Variants in NOS1AP observed in about 807,000 individuals in gnomAD.
NOS1AP encodes nitric oxide synthase 1 adaptor protein.
A neutral mutation model predicts 56.2 loss-of-function variants in NOS1AP; 21 were observed. The ratio of observed to expected loss-of-function variants is 0.37; its 90% CI spans 0.26 to 0.54. The LOEUF (loss-of-function observed/expected upper bound fraction) is 0.54. Among genes scored for constraint, NOS1AP ranks in the 20% least tolerant of loss-of-function variants. NOS1AP has a pLI of 0.84. For missense variants in NOS1AP, 522 were observed against 657.8 expected (o/e 0.79, Z 2.26); for synonymous variants, 270 against 274.6 (o/e 0.98, Z 0.17).
chr1:162,252,523 C>G (rs1653898692), intron 2 of NOS1AP, among the ~76,000 whole-genome samples: 1 of 152,102 alleles, frequency 6.6e-6, no homozygotes, highest in African/African-American at 2.4e-5. Flanking sequence ...GGTCAGCAAG[C>G]CCATTCTGTG....
intron 2 of NOS1AP, among the ~76,000 whole-genome samples, chr1:162,190,721 A>T (rs553253173): frequency 6.6e-6 from 1 of 152,198 alleles, no homozygotes; most frequent in Non-Finnish European, 1.5e-5. Context: ...TATGTAGCGT[A>T]ATTTTGTATC....
intron 4 of NOS1AP, among the ~76,000 whole-genome samples, chr1:162,331,615 ATAC>A (rs1557881149): frequency 4.6e-5 from 7 of 151,958 alleles, no homozygotes; most frequent in Non-Finnish European, 8.8e-5. Flanking sequence ...TCTTTCTTCT[ATAC>A]AGCACAGACC....
At chr1:162,328,065 G>A in intron 4 of NOS1AP, among the ~76,000 whole-genome samples, 1 of 152,218 alleles carries the variant, frequency 6.6e-6, no homozygotes, top group East Asian at 1.9e-4. Context: ...GCAAAGCTAA[G>A]ACTTGAACCT....
At chr1:162,229,791 G>A (rs1478512216) in intron 2 of NOS1AP, among the ~76,000 whole-genome samples, 2 of 152,112 alleles carry the variant, frequency 1.3e-5, no homozygotes, top group Non-Finnish European at 2.9e-5. Context: ...ATACATTTCT[G>A]TTTTTAGGGA....
In NOS1AP at chr1:162,108,261, T is replaced by TC. The variant is rs1388882617; in HGVS notation, c.105+37982dup. 2.0e-5 allele frequency among the ~76,000 whole-genome samples: 3 copies of TC among 152,328 alleles called. No individual in the cohort carries two copies. In the East Asian group the frequency reaches 5.8e-4, roughly 29 times the overall value. ...AGCAAGCAGGGAAACTCTGGAGGACTCCCAGGGTCATGTTGTAGAAGGACT... is the reference window on the plus strand; with the variant it reads ...AGCAAGCAGGGAAACTCTGGAGGACTCCCCAGGGTCATGTTGTAGAAGGACT... On this transcript the variant is annotated intron_variant, in intron 1 of 9. Transcript: ENST00000361897.
chr1:162,095,727 C>A (rs772512135), intron 1 of NOS1AP, among the ~76,000 whole-genome samples: 1 of 152,132 alleles, frequency 6.6e-6, no homozygotes, highest in Non-Finnish European at 1.5e-5. Context: ...TGGAGACCTA[C>A]GTTTTAGTAC....
chr1:162,095,538 G>A (rs115090687), intron 1 of NOS1AP, among the ~76,000 whole-genome samples: 382 of 152,264 alleles, frequency 2.5e-3, no homozygotes, highest in African/African-American at 8.4e-3. Context: ...TATGAAGTTG[G>A]GAGACAAGGA....
chr1:162,184,358 A>G (rs1651358984), intron 2 of NOS1AP, among the ~76,000 whole-genome samples: 3 of 152,242 alleles, frequency 2.0e-5, no homozygotes, highest in African/African-American at 7.2e-5. Context: ...TATTGTGTGA[A>G]TTAACAAAAT....
At chr1:162,232,388 A>C (rs76414093) in intron 2 of NOS1AP, among the ~76,000 whole-genome samples, 2,066 of 152,312 alleles carry the variant, frequency 0.014, 52 homozygotes, top group African/African-American at 0.047. Flanking sequence ...TGGGGATCAG[A>C]GAATTAAAAG....
intron 2 of NOS1AP, among the ~76,000 whole-genome samples, chr1:162,241,674 A>T (rs1653492611): frequency 6.6e-6 from 1 of 152,178 alleles, no homozygotes; most frequent in Admixed American, 6.5e-5. Flanking sequence ...CCCTGACTGC[A>T]GAGTCCAGGC....
intron 2 of NOS1AP, among the ~76,000 whole-genome samples, chr1:162,196,654 G>T (rs996709854): frequency 6.6e-6 from 1 of 152,214 alleles, no homozygotes; most frequent in African/African-American, 2.4e-5. Flanking sequence ...GGAAAGAGAT[G>T]CTGGATGAGC....
chr1:162,312,191 T>C (rs1656057577), intron 4 of NOS1AP, among the ~76,000 whole-genome samples: 1 of 146,880 alleles, frequency 6.8e-6, no homozygotes, highest in Non-Finnish European at 1.5e-5. Context: ...TAGTTTACAG[T>C]CCCACCAACA....
At chr1:162,205,907 T>C (rs1400378868) in intron 2 of NOS1AP, among the ~76,000 whole-genome samples, 2 of 152,214 alleles carry the variant, frequency 1.3e-5, no homozygotes, top group Non-Finnish European at 2.9e-5. Flanking sequence ...TGAAGTTGGC[T>C]GAGCCTTGTT....
At chr1:162,230,630 C>G (rs1334293096) in intron 2 of NOS1AP, among the ~76,000 whole-genome samples, 1 of 152,172 alleles carries the variant, frequency 6.6e-6, no homozygotes, top group South Asian at 2.1e-4. Context: ...AAACTCTACA[C>G]CCATTAAACA....
chr1:162,173,441 T>C (rs1206886814), intron 2 of NOS1AP, among the ~76,000 whole-genome samples: 10 of 152,150 alleles, frequency 6.6e-5, no homozygotes, highest in Non-Finnish European at 1.5e-4. Context: ...AAGACTTACA[T>C]GTTAGACCTA....
chr1:162,343,330 G>A (rs347280), intron 5 of NOS1AP, among the ~76,000 whole-genome samples: 139,494 of 152,264 alleles, frequency 0.92, 64,401 homozygotes, highest in East Asian at 1. Context: ...GCCAACTAGT[G>A]GTGTTCCAGA....
chr1:162,264,345 G>C (rs993685632), intron 2 of NOS1AP, among the ~76,000 whole-genome samples: 1 of 151,782 alleles, frequency 6.6e-6, no homozygotes, highest in Admixed American at 6.6e-5. Context: ...CCAGCCCAAG[G>C]CCTTTGGCTA....
At chr1:162,099,080 A>T (rs978512645) in intron 1 of NOS1AP, among the ~76,000 whole-genome samples, 4 of 152,172 alleles carry the variant, frequency 2.6e-5, no homozygotes, top group African/African-American at 9.7e-5. Context: ...GTCTTTGAGG[A>T]ACTGCCACAC....
intron 1 of NOS1AP, among the ~76,000 whole-genome samples, chr1:162,127,241 T>G (rs1226776282): frequency 6.6e-6 from 1 of 152,196 alleles, no homozygotes; most frequent in Non-Finnish European, 1.5e-5. Context: ...TTACTTATGG[T>G]ATTTCTCTAC....
Sources: gnomAD v4.1 joint callset for allele counts (sites outside exome capture counted in the v4.1 genomes callset) on GRCh38, gnomAD v4.1.1 for gene constraint, MANE v1.5 for transcripts, NCBI Gene and HGNC (gene_info 2026-07-23, HGNC 2026-07-21) for gene names.